Variants in BASP1 observed in about 807,000 individuals in gnomAD.
The protein encoded by BASP1 is brain abundant membrane attached signal protein 1, also known as brain acid soluble protein 1.
BASP1 carries 1 observed loss-of-function variant against 2.2 expected under a neutral mutation model. That is an observed-to-expected ratio of 0.46 (90% CI 0.16 to 2.17). The LOEUF (loss-of-function observed/expected upper bound fraction) is 2.17. Among genes scored for constraint, BASP1 ranks in the 30% most tolerant of loss-of-function variants. The pLI, the probability that BASP1 is intolerant of heterozygous loss-of-function variation, is 0.27. For synonymous variants in BASP1, 187 were observed against 154.2 expected (o/e 1.21, Z -1.58); for missense variants, 352 against 327.2 (o/e 1.08, Z -0.58).
chr5:17,249,557 C>T (rs1202745512), intron 1 of BASP1, among the ~76,000 whole-genome samples: 3 of 152,028 alleles, frequency 2.0e-5, no homozygotes, highest in Admixed American at 6.5e-5. Context: ...TTTTTTTAAC[C>T]CTTCCTAAAA....
intron 1 of BASP1, among the ~76,000 whole-genome samples, chr5:17,274,611 G>A (rs980740871): frequency 6.6e-6 from 1 of 152,204 alleles, no homozygotes; most frequent in Non-Finnish European, 1.5e-5. Flanking sequence ...GATTGCAGAT[G>A]AAAAACAGAT....
intron 1 of BASP1, among the ~76,000 whole-genome samples, chr5:17,263,064 GT>G (rs1410765237): frequency 1.3e-5 from 2 of 152,066 alleles, no homozygotes; most frequent in Non-Finnish European, 2.9e-5. Context: ...AGCCAGGATG[GT>G]CTCGATCTCC....
At chr5:17,246,784 C>G (rs1192335105) in intron 1 of BASP1, among the ~76,000 whole-genome samples, 1 of 152,200 alleles carries the variant, frequency 6.6e-6, no homozygotes, top group East Asian at 1.9e-4. Context: ...TGTGGAAAGT[C>G]TTTTTGAAAA....
In BASP1 at chr5:17,236,818, A is replaced by G. The variant is rs757263642; in HGVS notation, c.-10+19008A>G. 6.6e-6 allele frequency among the ~76,000 whole-genome samples: 1 copy of G among 152,224 alleles called. No homozygotes were observed. The highest frequency in any genetic ancestry group is 1.5e-5 in the Non-Finnish European group (1 of 68,042). ...TAGACCCATATCTTAAGGGAAAAAA[A>G]TGTTTTTAGTACTTTTCTTGGTATC... On this transcript the variant is annotated intron_variant, in intron 1 of 1. Coordinates refer to ENST00000322611, the MANE Select transcript of BASP1 (RefSeq NM_006317.5). This position sits in a 1 kb window ranked among gnomAD's most constrained non-coding sequence, Gnocchi z 4.0.
intron 1 of BASP1, among the ~76,000 whole-genome samples, chr5:17,270,127 A>T (rs1740500977): frequency 1.3e-5 from 2 of 152,092 alleles, no homozygotes; most frequent in Admixed American, 6.5e-5. Context: ...CAGCCTCCTG[A>T]GTAGCTGGGA....
At position 17,275,265 on chromosome 5, in the gene BASP1, G is replaced by C. The variant is rs1740609776; in HGVS notation, c.49G>C (p.Glu17Gln). ...KKKKGYNVND[E>Q]KAKEKDKKAE... ...GAAGAAGGGCTACAATGTGAACGAC[G>C]AGAAAGCCAAGGAGAAAGACAAGAA... Residue 17 changes from glutamate to glutamine, a missense_variant, in exon 2 of 2, where the codon GAG (glutamate) becomes CAG (glutamine). Transcript: ENST00000322611. The surrounding 1 kb of genome is among the most constrained non-coding windows in gnomAD (Gnocchi z 5.3). The C allele has an allele frequency of 1.9e-6, 3 of 1,613,792 alleles. No homozygotes were observed. The highest frequency in any genetic ancestry group is 1.3e-5 in the African/African-American group (1 of 74,876).
chr5:17,239,156 T>TGC (rs1739808389), intron 1 of BASP1, among the ~76,000 whole-genome samples: 1 of 152,022 alleles, frequency 6.6e-6, no homozygotes, highest in African/African-American at 2.4e-5. Flanking sequence ...TGCAGTGGCA[T>TGC]GATCTCAGCT....
At chr5:17,270,349 A>G (rs949652542) in intron 1 of BASP1, among the ~76,000 whole-genome samples, 1 of 152,166 alleles carries the variant, frequency 6.6e-6, no homozygotes, top group African/African-American at 2.4e-5. Context: ...ATTGGGAGGA[A>G]TGGATTTAAC....
At chr5:17,231,254 A>G (rs1272062864) in intron 1 of BASP1, among the ~76,000 whole-genome samples, 5 of 152,148 alleles carry the variant, frequency 3.3e-5, no homozygotes, top group African/African-American at 9.7e-5. Flanking sequence ...CCTTCTTCCA[A>G]TCATGCCAGA....
rs763112855 is a variant in BASP1 at position 17,275,702 on chromosome 5, C to T, written c.486C>T (p.Thr162=). 3.7e-6 allele frequency: 6 copies of T among 1,603,130 alleles called. No homozygotes were observed. In the South Asian group the frequency reaches 5.6e-5, roughly 15 times the overall value. ...EAPAAPAAQE[T]KSDGAPASDS... ...CCGCAGCTCCTGCCGCCCAGGAGAC[C>T]AAAAGTGACGGGGCCCCAGCTTCAG... Residue 162 remains threonine, a synonymous_variant, in exon 2 of 2, where the codon ACC becomes ACT. Coordinates refer to ENST00000322611, the MANE Select transcript of BASP1 (RefSeq NM_006317.5). The surrounding 1 kb of genome is among the most constrained non-coding windows in gnomAD (Gnocchi z 5.3).
chr5:17,271,009 G>T (rs1470304119), intron 1 of BASP1, among the ~76,000 whole-genome samples: 1 of 152,150 alleles, frequency 6.6e-6, no homozygotes, highest in Non-Finnish European at 1.5e-5. Flanking sequence ...ATTAAACTCA[G>T]TGAAATTCCT....
intron 1 of BASP1, among the ~76,000 whole-genome samples, chr5:17,259,947 T>C (rs1056843181): frequency 6.6e-6 from 1 of 152,238 alleles, no homozygotes; most frequent in African/African-American, 2.4e-5. Flanking sequence ...TATGATCTAT[T>C]AGTTTCCTGG....
intron 1 of BASP1, among the ~76,000 whole-genome samples, chr5:17,242,928 G>A (rs967793032): frequency 6.6e-6 from 1 of 151,640 alleles, no homozygotes; most frequent in Non-Finnish European, 1.5e-5. Flanking sequence ...GGGAGGACAT[G>A]TCTTGAAATA....
intron 1 of BASP1, among the ~76,000 whole-genome samples, chr5:17,237,200 T>C (rs576920749): frequency 1.3e-5 from 2 of 152,024 alleles, no homozygotes; most frequent in South Asian, 2.1e-4. Flanking sequence ...AAAAATTAGC[T>C]GGGCGTGGTG....
At chr5:17,226,920 A>C (rs1395545369) in intron 1 of BASP1, among the ~76,000 whole-genome samples, 1 of 144,108 alleles carries the variant, frequency 6.9e-6, no homozygotes, top group African/African-American at 2.6e-5. Flanking sequence ...TTCTCTGAAT[A>C]ACTCATTTTT....
chr5:17,266,148 C>G (rs1313390736), intron 1 of BASP1, among the ~76,000 whole-genome samples: 2 of 152,146 alleles, frequency 1.3e-5, no homozygotes, highest in African/African-American at 4.8e-5. Flanking sequence ...GATTTAAATC[C>G]TACAGTGCGG....
rs188993528 is a variant in BASP1 at position 17,245,077 on chromosome 5, G to A, written c.-10+27267G>A. Reference sequence around the variant, plus strand: ...CCAGCACTTTGGGAGGCCGAGGTGGGTAGATCTTGAGGTCAGGAGTTCAAG... The same window carrying A: ...CCAGCACTTTGGGAGGCCGAGGTGGATAGATCTTGAGGTCAGGAGTTCAAG... On this transcript the variant is annotated intron_variant, in intron 1 of 1. Coordinates refer to ENST00000322611, the MANE Select transcript of BASP1 (RefSeq NM_006317.5). Among the ~76,000 whole-genome samples the A allele has an allele frequency of 2.8e-3, 427 of 151,738 alleles. 2 individuals carry two copies. The highest frequency in any genetic ancestry group is 9.6e-3 in the African/African-American group (396 of 41,448).
At chr5:17,243,573 G>C (rs1400560721) in intron 1 of BASP1, among the ~76,000 whole-genome samples, 1 of 152,128 alleles carries the variant, frequency 6.6e-6, no homozygotes, top group Non-Finnish European at 1.5e-5. Context: ...TCTCCATAAG[G>C]GTTGGCTGTT....
chr5:17,270,910 G>A (rs1740517809), intron 1 of BASP1, among the ~76,000 whole-genome samples: 1 of 152,168 alleles, frequency 6.6e-6, no homozygotes, highest in African/African-American at 2.4e-5. Flanking sequence ...TTCTGGGTGG[G>A]TGTGCTGTGG....
Sources: gnomAD v4.1 joint callset for allele counts (sites outside exome capture counted in the v4.1 genomes callset) on GRCh38, gnomAD v4.1.1 for gene constraint, Gnocchi (gnomAD v3.1) non-coding constraint, MANE v1.5 for transcripts, NCBI Gene and HGNC (gene_info 2026-07-23, HGNC 2026-07-21) for gene names.